SLC19A1: variants seen among roughly 807,000 people sequenced by gnomAD.
SLC19A1 encodes the protein solute carrier family 19 member 1, also known as reduced folate transporter.
In SLC19A1, 37 loss-of-function variants were observed where a neutral mutation model predicts 35.3. The observed-to-expected ratio is 1.05, with a 90% CI of 0.81 to 1.38. The LOEUF is 1.38. Ranked by LOEUF, SLC19A1 falls within the 40% of genes most tolerant of loss-of-function variation. The pLI is 0.00. For synonymous variants in SLC19A1, 460 were observed against 398.5 expected, an observed-to-expected ratio of 1.15 and a Z score of -1.84; for missense variants, 831 against 826.9, an observed-to-expected ratio of 1.00 and a Z score of -0.06.
rs1265295408 is a variant in SLC19A1 at position 45,537,879 on chromosome 21, G to T, written c.81C>A (p.His27Gln). 2 of 1,604,956 alleles carry T rather than the reference G, an allele frequency of 1.2e-6. No individual in the cohort carries two copies. The highest frequency in any genetic ancestry group is 2.2e-5 in the East Asian group (1 of 44,658). ...CGTAGAAGCAAAGGTAGCACACGAG[G>T]TGCCGCCAGGACCGGAGCTCGGGGT... ...GPDPELRSWR[H>Q]LVCYLCFYGF... The change falls in exon 2 of 6, where the codon CAC becomes CAA. Residue 27 changes from histidine to glutamine, a missense_variant. His to Gln is a conservative substitution (Grantham distance 24, BLOSUM62 0). Transcript: ENST00000311124.
chr21:45,503,804 TAAAAA>T (rs1188411214), intron 3 of SLC19A1: 1 of 321,990 alleles, frequency 3.1e-6, no homozygotes, highest in Non-Finnish European at 5.5e-6. Context: ...TTAAAAAATT[TAAAAA>T]TAAAATAAAA....
chr21:45,534,369 C>G lies in SLC19A1; in HGVS notation c.190-2221G>C, dbSNP rs751187233. ...CCTAGGACCTCAGGGACCCCCGACC[C>G]CCAGACACAGGAGGCTGCGTGGGGG... On this transcript the variant is annotated intron_variant, in intron 2 of 5. Transcript: ENST00000311124. This position sits in a 1 kb window ranked among gnomAD's most constrained non-coding sequence, Gnocchi z 4.2. Among the ~76,000 whole-genome samples the G allele has an allele frequency of 2.6e-5, 4 of 152,178 alleles. No homozygotes were observed. Among genetic ancestry groups the G allele is most frequent in the Non-Finnish European group, 4.4e-5 (3 of 68,030 alleles).
downstream of SLC19A1, among the ~76,000 whole-genome samples, chr21:45,508,636 G>C (rs1334266923): frequency 1.3e-5 from 2 of 152,154 alleles, no homozygotes; most frequent in African/African-American, 2.4e-5. Flanking sequence ...TCAGGAGTGA[G>C]GCCTGATGTG....
At chr21:45,531,332 C>A in intron 3 of SLC19A1, 57 bp downstream of exon 3, 1 of 1,499,152 alleles carries the variant, frequency 6.7e-7, no homozygotes, top group East Asian at 2.3e-5. Context: ...ACGGGGCAGG[C>A]GGAGGTGGAC....
In SLC19A1 at chr21:45,530,696, G is replaced by A. The variant is rs2077842635; in HGVS notation, c.1151+74C>T. ...GCCGCTGGGGCGCAGCAGGAAGGTG[G>A]GAGCACCCAGCGAAGCGCGGGGCTT... On this transcript the variant is annotated intron_variant, in intron 4 of 5. Coordinates refer to ENST00000311124, the MANE Select transcript of SLC19A1 (RefSeq NM_194255.4). This position sits in a 1 kb window ranked among gnomAD's most constrained non-coding sequence, Gnocchi z 5.3. 1 of 1,444,218 alleles carries A rather than the reference G, an allele frequency of 6.9e-7. No individual in the cohort carries two copies. The highest frequency in any genetic ancestry group is 9.4e-7 in the Non-Finnish European group (1 of 1,062,054). The allele number at this position is 1,444,218 out of a possible 1,614,324, so 89.5% of individuals were successfully genotyped here. A position where few individuals can be genotyped will look rare whatever the true frequency, so the allele number is the denominator to read the frequency against.
intron 5 of SLC19A1, among the ~76,000 whole-genome samples, chr21:45,525,498 G>A (rs1267714400): frequency 6.6e-6 from 1 of 152,252 alleles, no homozygotes; most frequent in Non-Finnish European, 1.5e-5. Flanking sequence ...CTCCAGCCAG[G>A]GCTCAAGGAC....
At chr21:45,548,243 C>T (rs750124516), upstream of SLC19A1, among the ~76,000 whole-genome samples, 12 of 152,208 alleles carry the variant, frequency 7.9e-5, no homozygotes, top group South Asian at 2.1e-4. Flanking sequence ...GACTTTATCA[C>T]GTCCCTTTCA....
Position 45,515,118 on chromosome 21 carries a change from CACAGAG to C in SLC19A1, c.*534_*539del. On this transcript the variant is annotated 3_prime_UTR_variant, in exon 6 of 6. Transcript: ENST00000311124. Reference sequence around the variant, plus strand: ...TGCCGCCAACCTGAGATGGCTTTTCCACAGAGACAGAGAAGCCACATGCAGTTCTTC... The same window carrying C: ...TGCCGCCAACCTGAGATGGCTTTTCCACAGAGAAGCCACATGCAGTTCTTC... 1.3e-6 allele frequency: 2 copies of C among 1,542,260 alleles called. No individual in the cohort carries two copies. The highest frequency in any genetic ancestry group is 1.4e-5 in the African/African-American group (1 of 72,392).
At chr21:45,552,608 C>T (rs2078477280) in intron 1 of SLC19A1, among the ~76,000 whole-genome samples, 1 of 152,194 alleles carries the variant, frequency 6.6e-6, no homozygotes, top group Non-Finnish European at 1.5e-5. Flanking sequence ...GCAGAGCAGA[C>T]AGCCTCTCGC....
In SLC19A1 at chr21:45,526,842, G is replaced by A. The variant is rs549105716; in HGVS notation, c.1152-884C>T. 3.3e-5 allele frequency among the ~76,000 whole-genome samples: 5 copies of A among 152,374 alleles called. No homozygotes were observed. In the East Asian group the frequency reaches 5.8e-4, roughly 18 times the overall value. On this transcript the variant is annotated intron_variant, in intron 4 of 5. Coordinates refer to ENST00000311124, the MANE Select transcript of SLC19A1 (RefSeq NM_194255.4). ...CCACCTCAGCCTCCCAAAGTGCTGG[G>A]ATCACAGGTGTGAGCCACTGCGCCC...
chr21:45,541,449 T>A (rs770291535), intron 1 of SLC19A1, among the ~76,000 whole-genome samples: 5 of 152,212 alleles, frequency 3.3e-5, no homozygotes, highest in Admixed American at 1.3e-4. Flanking sequence ...AAGGACTTTA[T>A]CCCACCTTCC....
In SLC19A1 at chr21:45,533,344, C is replaced by T. The variant is rs537608676; in HGVS notation, c.190-1196G>A. On this transcript the variant is annotated intron_variant, in intron 2 of 5. Transcript: ENST00000311124. This position sits in a 1 kb window ranked among gnomAD's most constrained non-coding sequence, Gnocchi z 4.5. ...AGGACAAGGTCAGAGGACACTGCCC[C>T]AGACTACTACAGGCAGGCACCAAAC... is the stretch of plus-strand genomic sequence containing the variant. Among the ~76,000 whole-genome samples, 6 of 152,310 alleles carry T rather than the reference C, an allele frequency of 3.9e-5. No homozygotes were observed. The highest frequency in any genetic ancestry group is 3.4e-3 in the Middle Eastern group (1 of 294).
At chr21:45,510,975 ACCCCCCACACCC>A, downstream of SLC19A1, 11 of 34,724 alleles carry the variant, frequency 3.2e-4, 3 homozygotes, top group South Asian at 5.3e-4. Context: ...ACCCCCAAAC[ACCCCCCACACCC>A]CACACACACA....
chr21:45,506,560 G>A (rs575136250), intron 3 of SLC19A1: 350 of 190,380 alleles, frequency 1.8e-3, no homozygotes, highest in Middle Eastern at 4.9e-3. Context: ...CCAGGTGGGT[G>A]CGGCCATGCT....
chr21:45,524,040 G>T (rs1200237902), intron 5 of SLC19A1, among the ~76,000 whole-genome samples: 1 of 152,182 alleles, frequency 6.6e-6, no homozygotes, highest in Non-Finnish European at 1.5e-5. Flanking sequence ...TCACCCGTGG[G>T]CCTTGGAGAC....
chr21:45,515,682 G>T lies in SLC19A1; in HGVS notation c.1752C>A (p.Asp584Glu). ...SKLGLQCLPS[D>E]GVQNVNQ The stretch of plus-strand genomic sequence containing the variant: ...GTCACTGGTTCACATTCTGAACACC[G>T]TCGCTTGGAAGACACTGCAAACCCA... Residue 584 changes from aspartate (D) to glutamate (E), a missense_variant, in exon 6 of 6, where the codon GAC becomes GAA. Coordinates refer to ENST00000311124, the MANE Select transcript of SLC19A1 (RefSeq NM_194255.4). 6.2e-7 allele frequency: 1 copy of T among 1,613,674 alleles called. No individual in the cohort carries two copies. Among genetic ancestry groups the T allele is most frequent in the Non-Finnish European group, 8.5e-7 (1 of 1,180,008 alleles).
intron 1 of SLC19A1, among the ~76,000 whole-genome samples, chr21:45,538,959 G>A (rs2078220806): frequency 6.6e-6 from 1 of 152,190 alleles, no homozygotes; most frequent in African/African-American, 2.4e-5. Context: ...GTCTCTTTCA[G>A]TCCTGATTCT....
chr21:45,509,220 C>G (rs1602644902), downstream of SLC19A1: 3 of 1,241,042 alleles, frequency 2.4e-6, no homozygotes, highest in South Asian at 2.9e-5. Context: ...CAGGGCAGCC[C>G]CAGAGTCGGG....
At chr21:45,502,838 C>T (rs1049942938) in intron 3 of SLC19A1, 1 of 152,178 alleles carries the variant, frequency 6.6e-6, no homozygotes. Context: ...GAAAGAAGCG[C>T]GTTGCTCTTT....
Sources: gnomAD v4.1 joint callset for allele counts (sites outside exome capture counted in the v4.1 genomes callset) on GRCh38, gnomAD v4.1.1 for gene constraint, Gnocchi (gnomAD v3.1) non-coding constraint, MANE v1.5 for transcripts, NCBI Gene and HGNC (gene_info 2026-07-23, HGNC 2026-07-21) for gene names.